The following NCKAP5 variants were observed in gnomAD, a reference collection of about 807,000 sequenced individuals.
NCKAP5 encodes nck-associated protein 5.
Under a neutral mutation model 167.0 loss-of-function variants are expected in NCKAP5, and 92 were observed. The observed-to-expected ratio is 0.55, with a 90% confidence interval of 0.47 to 0.66. The LOEUF is 0.66. Among genes scored for constraint, NCKAP5 ranks in the 30% least tolerant of loss-of-function variants. NCKAP5 has a pLI of 0.00. For synonymous variants in NCKAP5, 891 were observed against 877.4 expected, an observed-to-expected ratio of 1.02 and a Z score of -0.27; for missense variants, 2,378 against 2,315.0, an observed-to-expected ratio of 1.03 and a Z score of -0.56.
At chr2:132,952,560 T>A (rs2076220063) in intron 8 of NCKAP5, among the ~76,000 whole-genome samples, 1 of 151,622 alleles carries the variant, frequency 6.6e-6, no homozygotes, top group African/African-American at 2.4e-5. Context: ...CTTCCAGGAG[T>A]TGGAAGGCCA....
intron 4 of NCKAP5, among the ~76,000 whole-genome samples, chr2:133,230,911 T>C (rs187316188): frequency 2.6e-4 from 40 of 152,336 alleles, no homozygotes; most frequent in Non-Finnish European, 3.1e-4. Flanking sequence ...AATTTGCTAA[T>C]GTACAAAATT....
At chr2:133,554,958 A>G (rs1197894796) in intron 2 of NCKAP5, among the ~76,000 whole-genome samples, 1 of 152,014 alleles carries the variant, frequency 6.6e-6, no homozygotes, top group Non-Finnish European at 1.5e-5. Flanking sequence ...CAGAAAGGTT[A>G]CCCTTTCTGC....
At position 133,240,119 on chromosome 2, in the gene NCKAP5, A is replaced by G. The variant is rs569876418; in HGVS notation, c.144-26340T>C. On this transcript the variant is annotated intron_variant, in intron 4 of 19. Transcript: ENST00000409261. Reference sequence around the variant, plus strand: ...TTGATAACACTGTCTAGAGTTGCGCATTCCGGAGTTACGAACTTAGCCACC... The same window carrying G: ...TTGATAACACTGTCTAGAGTTGCGCGTTCCGGAGTTACGAACTTAGCCACC... Among the ~76,000 whole-genome samples, 8 of 152,350 alleles carry G rather than the reference A, an allele frequency of 5.3e-5. No homozygotes were observed. The South Asian group carries it at 1.7e-3, about 32-fold the overall frequency.
chr2:133,425,350 G>A (rs990580184), intron 3 of NCKAP5, among the ~76,000 whole-genome samples: 3 of 152,224 alleles, frequency 2.0e-5, no homozygotes, highest in South Asian at 2.1e-4. Context: ...TTTGAACATA[G>A]GAGTCTGAGG....
intron 3 of NCKAP5, among the ~76,000 whole-genome samples, chr2:133,413,336 G>T (rs1688893738): frequency 6.6e-6 from 1 of 152,198 alleles, no homozygotes; most frequent in African/African-American, 2.4e-5. Context: ...CCTAAATCTA[G>T]CCAGATTGTA....
intron 16 of NCKAP5, among the ~76,000 whole-genome samples, chr2:132,747,728 G>A (rs1166710483): frequency 6.6e-6 from 1 of 152,140 alleles, no homozygotes; most frequent in Admixed American, 6.5e-5. Context: ...AACAACATTT[G>A]TTGATTATTT....
chr2:132,857,913 A>G (rs1689596624), intron 11 of NCKAP5, among the ~76,000 whole-genome samples: 1 of 152,218 alleles, frequency 6.6e-6, no homozygotes, highest in African/African-American at 2.4e-5. Context: ...GCTAAATGAT[A>G]TCCATATAAC....
chr2:133,653,335 T>A, the NCKAP5 span, among the ~76,000 whole-genome samples: 1 of 152,270 alleles, frequency 6.6e-6, no homozygotes, highest in South Asian at 2.1e-4. Flanking sequence ...CTATAATTGT[T>A]CTCAGATGCA....
At position 132,878,632 on chromosome 2, in the gene NCKAP5, ACACACACACACACACACACACACG is replaced by A. The variant is rs1056047500; in HGVS notation, c.648+192_648+215del. Among the ~76,000 whole-genome samples the A allele has an allele frequency of 9.9e-4, 119 of 120,006 alleles. 1 individual carries two copies. In the East Asian group the frequency reaches 0.032, roughly 32 times the overall value. 78.7% of individuals were successfully genotyped at this position (120,006 alleles called of 152,430 possible). A position where few individuals can be genotyped will look rare whatever the true frequency, so the allele number is the denominator to read the frequency against. ...GGCAGATACACACACACACACACAC[ACACACACACACACACACACACACG>A]CACGCATACACACACACACACCGCC... On this transcript the variant is annotated intron_variant, in intron 9 of 19. Transcript: ENST00000409261.
At chr2:133,024,532 C>CA (rs2078631891) in intron 6 of NCKAP5, among the ~76,000 whole-genome samples, 1 of 152,206 alleles carries the variant, frequency 6.6e-6, no homozygotes, top group Admixed American at 6.5e-5. Flanking sequence ...AAAAGATGTT[C>CA]AAAACCTCAT....
At chr2:132,847,233 A>T (rs1339874107) in intron 11 of NCKAP5, among the ~76,000 whole-genome samples, 1 of 152,210 alleles carries the variant, frequency 6.6e-6, no homozygotes, top group East Asian at 1.9e-4. Flanking sequence ...TAAAATAATG[A>T]TAAAGGAATA....
At chr2:132,979,330 T>C (rs1441944839) in intron 7 of NCKAP5, among the ~76,000 whole-genome samples, 1 of 151,848 alleles carries the variant, frequency 6.6e-6, no homozygotes, top group African/African-American at 2.4e-5. Flanking sequence ...AGCAGCAGGG[T>C]TTTCCTCCAC....
intron 2 of NCKAP5, among the ~76,000 whole-genome samples, chr2:133,530,191 G>A (rs12612615): frequency 5.9e-5 from 9 of 151,736 alleles, no homozygotes; most frequent in South Asian, 2.1e-4. Flanking sequence ...TTCCTCCCAC[G>A]GATTTGAAAT....
chr2:132,697,507 G>T (rs1003252549), intron 19 of NCKAP5, among the ~76,000 whole-genome samples: 2 of 152,064 alleles, frequency 1.3e-5, no homozygotes, highest in Non-Finnish European at 2.9e-5. Flanking sequence ...AGTAACTTGG[G>T]GAACATTAAC....
At chr2:133,091,715 G>T (rs533476206) in intron 6 of NCKAP5, among the ~76,000 whole-genome samples, 2 of 151,982 alleles carry the variant, frequency 1.3e-5, no homozygotes, top group Admixed American at 1.3e-4. Flanking sequence ...GTGAAAACCC[G>T]TCTCTACCAA....
intron 6 of NCKAP5, among the ~76,000 whole-genome samples, chr2:133,127,399 C>T (rs933085693): frequency 1.3e-5 from 2 of 152,138 alleles, no homozygotes; most frequent in African/African-American, 4.8e-5. Context: ...TTGAACTTTT[C>T]AGTTTCAATG....
chr2:133,498,472 A>AGGC (rs1682155901), intron 3 of NCKAP5, among the ~76,000 whole-genome samples: 7 of 122,634 alleles, frequency 5.7e-5, no homozygotes, highest in African/African-American at 2.7e-4. Context: ...GGAAGGAAGG[A>AGGC]AGGAAGGAAG....
the NCKAP5 span, among the ~76,000 whole-genome samples, chr2:133,643,659 A>G: frequency 6.6e-6 from 1 of 151,990 alleles, no homozygotes; most frequent in Non-Finnish European, 1.5e-5. Flanking sequence ...TTTCCATTTA[A>G]CTCCACTATC....
the NCKAP5 span, among the ~76,000 whole-genome samples, chr2:133,664,895 T>C: frequency 6.6e-6 from 1 of 152,254 alleles, no homozygotes; most frequent in African/African-American, 2.4e-5. Flanking sequence ...TGCTTCACTT[T>C]GCACTTTTAT....
Sources: gnomAD v4.1 joint callset for allele counts (sites outside exome capture counted in the v4.1 genomes callset) on GRCh38, gnomAD v4.1.1 for gene constraint, MANE v1.5 for transcripts, NCBI Gene and HGNC (gene_info 2026-07-23, HGNC 2026-07-21) for gene names.